The following ZNF536 variants were observed in gnomAD, a reference collection of about 807,000 sequenced individuals.
ZNF536 encodes zinc finger protein 536.
A neutral mutation model predicts 84.5 loss-of-function variants in ZNF536; 13 were observed. That is an observed-to-expected ratio of 0.15 (90% confidence interval 0.10 to 0.24). ZNF536 has a LOEUF of 0.24. Ranked by LOEUF, ZNF536 falls within the 10% of genes least tolerant of loss-of-function variation. The pLI is 1.00. For synonymous variants in ZNF536, 811 were observed against 742.5 expected (o/e 1.09, Z -1.50); for missense variants, 1,536 against 1,747.5 (o/e 0.88, Z 2.16).
intron 2 of ZNF536, among the ~76,000 whole-genome samples, chr19:30,504,529 C>A (rs1181378027): frequency 7.5e-6 from 1 of 132,458 alleles, no homozygotes; most frequent in East Asian, 2.3e-4. Flanking sequence ...CTCCTGCCCC[C>A]CTCTGACCCA....
chr19:30,255,802 A>G (rs1291578225), intron 1 of ZNF536, among the ~76,000 whole-genome samples: 1 of 152,232 alleles, frequency 6.6e-6, no homozygotes, highest in African/African-American at 2.4e-5. Context: ...TCGTCTGCAT[A>G]GACCCCGTCA....
At chr19:30,614,875 A>G (rs943939420) in intron 1 of ZNF536, among the ~76,000 whole-genome samples, 1 of 146,098 alleles carries the variant, frequency 6.8e-6, no homozygotes, top group Non-Finnish European at 1.5e-5. Flanking sequence ...ACGTTATGGC[A>G]TCTATGACGT....
intron 2 of ZNF536, among the ~76,000 whole-genome samples, chr19:30,302,437 G>A (rs2046215550): frequency 6.6e-6 from 1 of 152,182 alleles, no homozygotes; most frequent in Non-Finnish European, 1.5e-5. Flanking sequence ...GCTTTGCACA[G>A]TGACCTGGGT....
intron 2 of ZNF536, among the ~76,000 whole-genome samples, chr19:30,455,514 C>T (rs2052798431): frequency 6.6e-6 from 1 of 152,112 alleles, no homozygotes; most frequent in Non-Finnish European, 1.5e-5. Context: ...CCAGCCTGGG[C>T]AATATAGCGA....
chr19:30,517,036 T>C (rs1453810005), intron 2 of ZNF536, among the ~76,000 whole-genome samples: 1 of 152,152 alleles, frequency 6.6e-6, no homozygotes, highest in Non-Finnish European at 1.5e-5. Context: ...CGCCTGGTTC[T>C]CTGGTTGATC....
At chr19:30,413,611 T>G (rs2050587034) in intron 1 of ZNF536, among the ~76,000 whole-genome samples, 1 of 152,218 alleles carries the variant, frequency 6.6e-6, no homozygotes, top group Admixed American at 6.5e-5. Flanking sequence ...ACATTTATTT[T>G]TAAAGTCTAA....
At chr19:30,574,168 G>A (rs1439269096) in intron 1 of ZNF536, among the ~76,000 whole-genome samples, 2 of 152,204 alleles carry the variant, frequency 1.3e-5, no homozygotes, top group African/African-American at 2.4e-5. Context: ...AACTATAGCA[G>A]CCTTAAAATA....
At chr19:30,616,558 C>T (rs1167916413) in intron 1 of ZNF536, among the ~76,000 whole-genome samples, 4 of 152,156 alleles carry the variant, frequency 2.6e-5, no homozygotes, top group Non-Finnish European at 4.4e-5. Flanking sequence ...CTGCAATCTC[C>T]TTAAAAATGT....
intron 1 of ZNF536, among the ~76,000 whole-genome samples, chr19:30,700,238 T>TTCTTTCTC (rs1190837525): frequency 3.5e-4 from 34 of 97,916 alleles, no homozygotes; most frequent in Non-Finnish European, 4.8e-4. Context: ...CTTTCTTTCT[T>TTCTTTCTC]TCTCTCTCTC....
intron 1 of ZNF536, among the ~76,000 whole-genome samples, chr19:30,710,568 A>G (rs2052422385): frequency 6.6e-6 from 1 of 152,182 alleles, no homozygotes; most frequent in Non-Finnish European, 1.5e-5. Context: ...ATATTCAGGG[A>G]TGGGAAGATC....
chr19:30,474,517 C>A (rs1161548064), intron 2 of ZNF536, among the ~76,000 whole-genome samples: 2 of 152,144 alleles, frequency 1.3e-5, no homozygotes, highest in East Asian at 1.9e-4. Flanking sequence ...AGCAGTGTGG[C>A]CGGGTCCTGT....
intron 1 of ZNF536, among the ~76,000 whole-genome samples, chr19:30,581,304 C>G (rs1270801750): frequency 6.6e-6 from 1 of 152,050 alleles, no homozygotes. Flanking sequence ...CAGTGAAACT[C>G]TTTCTCTACT....
At chr19:30,598,341 A>G (rs1417360490) in intron 1 of ZNF536, among the ~76,000 whole-genome samples, 2 of 152,126 alleles carry the variant, frequency 1.3e-5, no homozygotes, top group Admixed American at 1.3e-4. Flanking sequence ...TTACCTTTAC[A>G]GAAGGAAGGC....
chr19:30,305,269 G>T (rs2046310158), intron 2 of ZNF536, among the ~76,000 whole-genome samples: 1 of 152,178 alleles, frequency 6.6e-6, no homozygotes, highest in African/African-American at 2.4e-5. Flanking sequence ...GGGCAAGAGT[G>T]GGTGCAAGAG....
intron 1 of ZNF536, among the ~76,000 whole-genome samples, chr19:30,280,247 G>GC (rs1366287062): frequency 6.8e-6 from 1 of 147,442 alleles, no homozygotes; most frequent in South Asian, 2.2e-4. Flanking sequence ...CTTTCCTCCT[G>GC]CCCCCCTTAC....
chr19:30,699,841 A>C lies in ZNF536; in HGVS notation c.170-10916A>C, dbSNP rs1318564687. Among the ~76,000 whole-genome samples the C allele has an allele frequency of 2.6e-5, 4 of 152,200 alleles. No individual in the cohort carries two copies. In the East Asian group the frequency reaches 7.7e-4, roughly 29 times the overall value. ...ATGGTGAGGGGCTTCAAGGTCCCCA[A>C]GTGAAGACCAGCCAAGCACCCTGCA... On this transcript the variant is annotated intron_variant, in intron 1 of 1. Coordinates refer to the ZNF536 transcript ENST00000592773.
chr19:30,242,647 T>C (rs2024018644), intron 1 of ZNF536, among the ~76,000 whole-genome samples: 1 of 152,060 alleles, frequency 6.6e-6, no homozygotes, highest in Admixed American at 6.6e-5. Context: ...TTACTCCCCA[T>C]CCCCAACTCT....
At chr19:30,267,754 T>C (rs1374401290) in intron 1 of ZNF536, among the ~76,000 whole-genome samples, 3 of 152,144 alleles carry the variant, frequency 2.0e-5, no homozygotes, top group African/African-American at 7.2e-5. Context: ...GTTTGACCCT[T>C]CCTTACTTTA....
At chr19:30,659,469 A>G (rs1430774950) in intron 1 of ZNF536, among the ~76,000 whole-genome samples, 1 of 151,964 alleles carries the variant, frequency 6.6e-6, no homozygotes, top group Non-Finnish European at 1.5e-5. Context: ...TACAATTTGT[A>G]TTAGTCTGTT....
Sources: gnomAD v4.1 joint callset for allele counts (sites outside exome capture counted in the v4.1 genomes callset) on GRCh38, gnomAD v4.1.1 for gene constraint, MANE v1.5 for transcripts, NCBI Gene and HGNC (gene_info 2026-07-23, HGNC 2026-07-21) for gene names.